The following ADAMTSL1 variants were observed in gnomAD, a reference collection of about 807,000 sequenced individuals.
ADAMTSL1 encodes ADAMTS like 1.
Under a neutral mutation model 201.8 loss-of-function variants are expected in ADAMTSL1, and 126 were observed. That is an observed-to-expected ratio of 0.62 (90% CI 0.54 to 0.72). The LOEUF (loss-of-function observed/expected upper bound fraction) is 0.72, where lower values mean the gene tolerates loss of function less well. Ranked by LOEUF, ADAMTSL1 falls within the 30% of genes least tolerant of loss-of-function variation. ADAMTSL1 has a pLI of 0.00. For missense variants in ADAMTSL1, 2,679 were observed against 2,277.8 expected (o/e 1.18, Z -3.59); for synonymous variants, 1,121 against 903.4 (o/e 1.24, Z -4.32).
chr9:18,673,096 C>T (rs1829928090), intron 9 of ADAMTSL1, among the ~76,000 whole-genome samples: 1 of 152,210 alleles, frequency 6.6e-6, no homozygotes, highest in Non-Finnish European at 1.5e-5. Context: ...TCCTTCACCA[C>T]ACCCCACATA....
At chr9:18,578,726 T>C (rs1024641719) in intron 4 of ADAMTSL1, among the ~76,000 whole-genome samples, 1 of 152,104 alleles carries the variant, frequency 6.6e-6, no homozygotes, top group African/African-American at 2.4e-5. Flanking sequence ...TGATTTATAG[T>C]CATTTGGGTA....
At chr9:18,712,157 A>G (rs370063197) in intron 14 of ADAMTSL1, among the ~76,000 whole-genome samples, 32 of 152,292 alleles carry the variant, frequency 2.1e-4, no homozygotes, top group African/African-American at 7.0e-4. Context: ...AAAAAACAGA[A>G]CAGAAAAACT....
At chr9:18,648,688 T>C (rs1170923585) in intron 7 of ADAMTSL1, among the ~76,000 whole-genome samples, 3 of 152,016 alleles carry the variant, frequency 2.0e-5, no homozygotes, top group Admixed American at 6.6e-5. Context: ...TTGAAAATTC[T>C]TTTCTTTAAG....
At chr9:18,240,226 C>G (rs1156929442) in intron 2 of ADAMTSL1, among the ~76,000 whole-genome samples, 1 of 152,090 alleles carries the variant, frequency 6.6e-6, no homozygotes, top group African/African-American at 2.4e-5. Context: ...CCGTGGGCTA[C>G]AGAATGGATG....
intron 1 of ADAMTSL1, among the ~76,000 whole-genome samples, chr9:17,997,643 G>A (rs891186897): frequency 1.3e-5 from 2 of 151,174 alleles, no homozygotes; most frequent in Admixed American, 6.6e-5. Flanking sequence ...TGTGAAAAAG[G>A]TGCTGGCTCT....
At chr9:18,503,245 A>G (rs1416597413) in intron 1 of ADAMTSL1, among the ~76,000 whole-genome samples, 3 of 151,804 alleles carry the variant, frequency 2.0e-5, no homozygotes, top group South Asian at 2.1e-4. Context: ...ACACAGACAC[A>G]GACATTTCTG....
intron 3 of ADAMTSL1, among the ~76,000 whole-genome samples, chr9:18,564,293 G>A (rs1294159888): frequency 1.3e-5 from 2 of 152,118 alleles, no homozygotes; most frequent in South Asian, 2.1e-4. Flanking sequence ...CACTTCCCTG[G>A]TGAGGCGACG....
intron 7 of ADAMTSL1, among the ~76,000 whole-genome samples, chr9:18,656,029 C>G (rs1033952045): frequency 2.0e-5 from 3 of 151,816 alleles, no homozygotes; most frequent in African/African-American, 7.3e-5. Flanking sequence ...TTAGAAAATA[C>G]GTAAATGCTC....
At chr9:18,219,276 G>A (rs1296227822) in intron 2 of ADAMTSL1, among the ~76,000 whole-genome samples, 3 of 151,322 alleles carry the variant, frequency 2.0e-5, no homozygotes, top group Non-Finnish European at 4.4e-5. Context: ...TAGATTATAC[G>A]GATAACTGCT....
chr9:18,451,394 C>G lies in ADAMTSL1; in HGVS notation c.208-53435C>G, dbSNP rs150609061. 1.4e-4 allele frequency among the ~76,000 whole-genome samples: 21 copies of G among 152,236 alleles called. No homozygotes were observed. The East Asian group carries it at 3.9e-3, about 28-fold the overall frequency. ...CTACAATTTCCATACGATTTTATACCTGCAAATTGAACACAGCTTTACCTG... is the reference window on the plus strand; with the variant it reads ...CTACAATTTCCATACGATTTTATACGTGCAAATTGAACACAGCTTTACCTG... On this transcript the variant is annotated intron_variant, in intron 2 of 29. Transcript: ENST00000680146.
intron 2 of ADAMTSL1, among the ~76,000 whole-genome samples, chr9:18,166,049 G>A (rs534146189): frequency 1.3e-5 from 2 of 152,022 alleles, no homozygotes; most frequent in East Asian, 3.9e-4. Context: ...AGAATCACTT[G>A]ACAAAAGCAA....
intron 2 of ADAMTSL1, among the ~76,000 whole-genome samples, chr9:18,359,366 T>C (rs576273087): frequency 1.3e-5 from 2 of 152,206 alleles, no homozygotes; most frequent in Non-Finnish European, 2.9e-5. Flanking sequence ...CCAATCATCT[T>C]TGAGAAAAGG....
chr9:18,798,318 C>T (rs1005789015), intron 20 of ADAMTSL1, among the ~76,000 whole-genome samples: 3 of 152,122 alleles, frequency 2.0e-5, no homozygotes, highest in Admixed American at 2.0e-4. Flanking sequence ...CTAAGTGTAA[C>T]CTTGAGCAAC....
chr9:18,661,769 G>A (rs1829108338), intron 8 of ADAMTSL1, among the ~76,000 whole-genome samples, 166 bp from the exon 9 acceptor site: 1 of 152,190 alleles, frequency 6.6e-6, no homozygotes, highest in Admixed American at 6.5e-5. Flanking sequence ...CACAGTACTT[G>A]AGGTCTGCAA....
At chr9:18,551,557 T>C (rs1820801342) in intron 3 of ADAMTSL1, among the ~76,000 whole-genome samples, 1 of 151,472 alleles carries the variant, frequency 6.6e-6, no homozygotes, top group Admixed American at 6.6e-5. Flanking sequence ...TTTTTTTTTT[T>C]TTTTTTAAGT....
chr9:18,732,473 G>T (rs1468341062), intron 15 of ADAMTSL1, among the ~76,000 whole-genome samples: 2 of 152,178 alleles, frequency 1.3e-5, no homozygotes, highest in Non-Finnish European at 2.9e-5. Flanking sequence ...TGGTAGCAGG[G>T]GAGACAGAGT....
At chr9:18,269,720 C>G (rs990900181) in intron 2 of ADAMTSL1, among the ~76,000 whole-genome samples, 1 of 152,152 alleles carries the variant, frequency 6.6e-6, no homozygotes, top group African/African-American at 2.4e-5. Context: ...GGACAAACCT[C>G]TTGCAGTTTT....
At chr9:18,248,348 A>G (rs1332427158) in intron 2 of ADAMTSL1, among the ~76,000 whole-genome samples, 1 of 152,132 alleles carries the variant, frequency 6.6e-6, no homozygotes, top group Non-Finnish European at 1.5e-5. Flanking sequence ...CGGTATGTAA[A>G]AAGCTTGGCT....
At chr9:17,919,383 A>G (rs565799286) in intron 1 of ADAMTSL1, among the ~76,000 whole-genome samples, 3 of 152,034 alleles carry the variant, frequency 2.0e-5, no homozygotes, top group Non-Finnish European at 2.9e-5. Context: ...ATTGGTTTTT[A>G]TTATATTCAC....
Sources: allele counts gnomAD v4.1 joint callset (sites outside exome capture counted in the v4.1 genomes callset), GRCh38; gene constraint gnomAD v4.1.1; transcripts MANE v1.5; gene names NCBI Gene and HGNC (gene_info 2026-07-23, HGNC 2026-07-21).